EIF2AK2: variants seen among roughly 807,000 people sequenced by gnomAD.
EIF2AK2 encodes interferon-induced, double-stranded RNA-activated protein kinase.
Under a neutral mutation model 70.5 loss-of-function variants are expected in EIF2AK2, and 40 were observed. The observed-to-expected ratio is 0.57, with a 90% confidence interval of 0.44 to 0.74. EIF2AK2 has a LOEUF of 0.74. EIF2AK2 is among the 30% of genes least tolerant of loss of function. EIF2AK2 has a pLI of 0.00. For synonymous variants in EIF2AK2, 198 were observed against 220.9 expected (o/e 0.90, Z 0.92); for missense variants, 555 against 644.3 (o/e 0.86, Z 1.50).
chr2:37,148,440 C>A, intron 2 of EIF2AK2: 1 of 388,358 alleles, frequency 2.6e-6, no homozygotes, highest in Non-Finnish European at 4.9e-6. Context: ...TGCCGGAAGC[C>A]AGGCGGAGGA....
chr2:37,117,306 G>T (rs1674380342), intron 13 of EIF2AK2, among the ~76,000 whole-genome samples: 1 of 152,114 alleles, frequency 6.6e-6, no homozygotes, highest in Non-Finnish European at 1.5e-5. Context: ...GGGAAGCCAA[G>T]GTCGGCAGAT....
chr2:37,149,058 G>T (rs914487269), intron 1 of EIF2AK2, 35 bp from the exon 2 acceptor site: 2 of 989,440 alleles, frequency 2.0e-6, no homozygotes, highest in Non-Finnish European at 3.3e-6. Flanking sequence ...TTAAAAAAAT[G>T]CAACCGCTGG....
chr2:37,156,927 G>A lies in EIF2AK2; in HGVS notation c.-203C>T. 5.4e-6 allele frequency: 1 copy of A among 186,266 alleles called. No individual in the cohort carries two copies. The highest frequency in any genetic ancestry group is 1.1e-5 in the Non-Finnish European group (1 of 93,394). The allele number at this position is 186,266 out of a possible 1,614,324, so 11.5% of individuals were successfully genotyped here. A position where few individuals can be genotyped will look rare whatever the true frequency, so the allele number is the denominator to read the frequency against. ...GCTCACCTGCGCCGCCGCCGCCGCC[G>A]CCGCCGCCGCCGGCCGGAGACCCGC... On this transcript the variant is annotated 5_prime_UTR_variant, in exon 1 of 17. Transcript: ENST00000233057.
intron 14 of EIF2AK2, among the ~76,000 whole-genome samples, chr2:37,111,507 A>T (rs1405870071): frequency 1.3e-5 from 2 of 150,946 alleles, no homozygotes; most frequent in East Asian, 3.9e-4. Context: ...TCAAGCATGG[A>T]ATCTCATTTT....
chr2:37,109,733 T>C (rs1674081839), intron 14 of EIF2AK2, among the ~76,000 whole-genome samples: 1 of 152,222 alleles, frequency 6.6e-6, no homozygotes, highest in South Asian at 2.1e-4. Context: ...GGACTACGAC[T>C]CAGCAATAAA....
At chr2:37,149,962 AATG>A (rs1675685986) in intron 1 of EIF2AK2, among the ~76,000 whole-genome samples, 1 of 152,196 alleles carries the variant, frequency 6.6e-6, no homozygotes, top group Non-Finnish European at 1.5e-5. Context: ...AGCAACGAAA[AATG>A]ATAACACTGG....
chr2:37,134,449 C>G (rs1185967988), intron 10 of EIF2AK2, among the ~76,000 whole-genome samples: 1 of 152,228 alleles, frequency 6.6e-6, no homozygotes, highest in Non-Finnish European at 1.5e-5. Context: ...CCAAGTATCA[C>G]CTGAAACGAA....
intron 1 of EIF2AK2, among the ~76,000 whole-genome samples, chr2:37,152,107 C>CA (rs745652354): frequency 2.0e-4 from 30 of 152,286 alleles, no homozygotes; most frequent in Non-Finnish European, 4.0e-4. Flanking sequence ...GGATAAACCT[C>CA]AAAAACATTA....
Position 37,126,300 on chromosome 2 carries a change from T to G in EIF2AK2, c.897A>C (p.Lys299Asn). 1 of 1,601,060 alleles carries G rather than the reference T, an allele frequency of 6.2e-7. No individual in the cohort carries two copies. ...DGKTYVIKRVKYNNEKAEREV... is the reference protein window; with the variant it reads ...DGKTYVIKRVNYNNEKAEREV... ...CATTTACTACTTACTCGTTATTATA[T>G]TTAACACGTTTAATAACGTAAGTCT... Residue 299 changes from lysine (K) to asparagine (N), a missense_variant, in exon 11 of 17, where the codon AAA becomes AAC. Transcript: ENST00000233057.
At chr2:37,131,177 C>T (rs975448828) in intron 10 of EIF2AK2, among the ~76,000 whole-genome samples, 6 of 152,178 alleles carry the variant, frequency 3.9e-5, no homozygotes, top group African/African-American at 1.4e-4. Flanking sequence ...AGACCTTTAT[C>T]ATGCTTTCTG....
chr2:37,135,506 T>C lies in EIF2AK2; in HGVS notation c.763A>G (p.Thr255Ala), dbSNP rs1158595807. 2.5e-6 allele frequency: 4 copies of C among 1,610,490 alleles called. No homozygotes were observed. In the South Asian group the frequency reaches 3.3e-5, roughly 13 times the overall value. Residue 255 changes from threonine to alanine, a missense_variant, in exon 10 of 17, where the codon ACA (threonine) becomes GCA (alanine). Transcript: ENST00000233057. ...PRFDLPDMKETKYTVDKRFGM... is the reference protein window; with the variant it reads ...PRFDLPDMKEAKYTVDKRFGM... ...TACCTCTTGTCCACAGTATACTTTG[T>C]TTCTTTCATGTCAGGAAGGTCAAAT...
intron 10 of EIF2AK2, among the ~76,000 whole-genome samples, 175 bp downstream of exon 10, chr2:37,135,309 C>T (rs1208584027): frequency 6.6e-6 from 1 of 152,192 alleles, no homozygotes; most frequent in Non-Finnish European, 1.5e-5. Flanking sequence ...TATGGGTCAT[C>T]CCATTCCTGG....
chr2:37,140,038 A>ATT (rs5830457), intron 5 of EIF2AK2, among the ~76,000 whole-genome samples: 1 of 150,684 alleles, frequency 6.6e-6, no homozygotes, highest in Non-Finnish European at 1.5e-5. Flanking sequence ...CTAAGTGGTG[A>ATT]TTTTTTTTTT....
At chr2:37,116,111 T>C (rs1481468382) in intron 13 of EIF2AK2, among the ~76,000 whole-genome samples, 1 of 152,080 alleles carries the variant, frequency 6.6e-6, no homozygotes, top group African/African-American at 2.4e-5. Context: ...GTTGGCCAGA[T>C]TGGTCTCAAA....
intron 11 of EIF2AK2, among the ~76,000 whole-genome samples, chr2:37,124,870 G>A (rs1258172083): frequency 2.0e-5 from 3 of 151,870 alleles, no homozygotes; most frequent in African/African-American, 7.3e-5. Flanking sequence ...TGAGACTACA[G>A]GCGTGGCTAC....
At chr2:37,153,590 C>A (rs923041871) in intron 1 of EIF2AK2, among the ~76,000 whole-genome samples, 20 of 152,120 alleles carry the variant, frequency 1.3e-4, no homozygotes, top group Admixed American at 3.9e-4. Flanking sequence ...AGTATTTGTC[C>A]TTTTGTGTCT....
chr2:37,127,298 CCT>C (rs1361190492), intron 10 of EIF2AK2, among the ~76,000 whole-genome samples: 1 of 152,176 alleles, frequency 6.6e-6, no homozygotes, highest in Non-Finnish European at 1.5e-5. Flanking sequence ...ATCCCCACTT[CCT>C]CTCTTCCCCC....
chr2:37,104,158 AAAAC>A lies in EIF2AK2; in HGVS notation c.*3111_*3114del, dbSNP rs1030795761. 2.0e-5 allele frequency: 3 copies of A among 151,576 alleles called. No homozygotes were observed. The highest frequency in any genetic ancestry group is 1.9e-4 in the East Asian group (1 of 5,182). 9.4% of individuals were successfully genotyped at this position (151,576 alleles called of 1,614,324 possible). On this transcript the variant is annotated 3_prime_UTR_variant, in exon 17 of 17. Coordinates refer to ENST00000233057, the MANE Select transcript of EIF2AK2 (RefSeq NM_001135651.3). ...CTGTCTCAAAACAAACAAACAAACAAAAACAAAATAAAACAAAACAAAAAGACAT... is the reference window on the plus strand; with the variant it reads ...CTGTCTCAAAACAAACAAACAAACAAAAAATAAAACAAAACAAAAAGACAT...
intron 15 of EIF2AK2, 52 bp downstream of exon 15, chr2:37,109,142 G>C: frequency 6.5e-7 from 1 of 1,540,422 alleles, no homozygotes; most frequent in Non-Finnish European, 9.0e-7. Context: ...GCACTCTGAA[G>C]GTGGTAGTCA....
Sources: gnomAD v4.1 joint callset for allele counts (sites outside exome capture counted in the v4.1 genomes callset) on GRCh38, gnomAD v4.1.1 for gene constraint, MANE v1.5 for transcripts, NCBI Gene and HGNC (gene_info 2026-07-23, HGNC 2026-07-21) for gene names.